CMTM7: variants seen among roughly 807,000 people sequenced by gnomAD.
The protein encoded by CMTM7 is CKLF-like MARVEL transmembrane domain-containing protein 7.
A neutral mutation model predicts 19.3 loss-of-function variants in CMTM7; 7 were observed. The observed-to-expected ratio is 0.36, with a 90% CI of 0.21 to 0.68. CMTM7 has a LOEUF of 0.68. Among genes scored for constraint, CMTM7 ranks in the 30% least tolerant of loss-of-function variants. The pLI, the probability that CMTM7 is intolerant of heterozygous loss-of-function variation, is 0.60. For missense variants in CMTM7, 193 were observed against 232.6 expected (o/e 0.83, Z 1.11); for synonymous variants, 87 against 99.3 (o/e 0.88, Z 0.74).
intron 2 of CMTM7, among the ~76,000 whole-genome samples, chr3:32,443,167 C>T (rs1417063158): frequency 2.6e-5 from 4 of 152,242 alleles, no homozygotes; most frequent in Admixed American, 2.0e-4. Context: ...GACGTGATCG[C>T]GACTCACTGC....
chr3:32,426,059 C>T (rs1010580623), intron 1 of CMTM7, among the ~76,000 whole-genome samples: 1 of 152,150 alleles, frequency 6.6e-6, no homozygotes, highest in East Asian at 1.9e-4. Context: ...GCAGGAGAAT[C>T]GCTTGAACCT....
chr3:32,438,511 G>T (rs945461303), intron 1 of CMTM7, among the ~76,000 whole-genome samples: 8 of 151,348 alleles, frequency 5.3e-5, no homozygotes, highest in Non-Finnish European at 8.8e-5. Flanking sequence ...TTAATATGCT[G>T]GCTAAGATGC....
chr3:32,401,400 G>C (rs1374319905), intron 1 of CMTM7, among the ~76,000 whole-genome samples: 2 of 152,250 alleles, frequency 1.3e-5, no homozygotes, highest in Non-Finnish European at 2.9e-5. Flanking sequence ...GCTGCAGGCA[G>C]CCAGGGCGTA....
rs1163508082 is a variant in CMTM7 at position 32,452,483 on chromosome 3, G to T, written c.514+10G>T. ...GTAACCCAGTCCACAGGTGAGTTCT[G>T]GTTATCTGTGCACAGAGGATCTCTC... On this transcript the variant is annotated intron_variant, in intron 4 of 4. Transcript: ENST00000334983. 3 of 1,613,122 alleles carry T rather than the reference G, an allele frequency of 1.9e-6. No homozygotes were observed. Among genetic ancestry groups the T allele is most frequent in the Non-Finnish European group, 2.5e-6 (3 of 1,179,138 alleles).
Position 32,454,404 on chromosome 3 carries a change from G to A in CMTM7, c.*150G>A. ...CTGCACCCTCTTCCTGCTCTCCCAG[G>A]AAGCCAGCTCCCTGAGCTCCTGAGC... is the stretch of plus-strand genomic sequence containing the variant. On this transcript the variant is annotated 3_prime_UTR_variant, in exon 5 of 5. Transcript: ENST00000334983. The A allele has an allele frequency of 1.1e-6, 1 of 940,982 alleles. No individual in the cohort carries two copies. The highest frequency in any genetic ancestry group is 1.4e-5 in the South Asian group (1 of 72,478). The allele number at this position is 940,982 out of a possible 1,614,324, so 58.3% of individuals were successfully genotyped here. A position where few individuals can be genotyped will look rare whatever the true frequency, so the allele number is the denominator to read the frequency against.
At chr3:32,417,018 A>G (rs1262508970) in intron 1 of CMTM7, among the ~76,000 whole-genome samples, 2 of 152,224 alleles carry the variant, frequency 1.3e-5, no homozygotes, top group Non-Finnish European at 2.9e-5. Flanking sequence ...GATAGAATTC[A>G]CATACTATAG....
chr3:32,449,306 G>A lies in CMTM7; in HGVS notation c.334-148G>A, dbSNP rs1461932514. On this transcript the variant is annotated intron_variant, in intron 2 of 4. Coordinates refer to ENST00000334983, the MANE Select transcript of CMTM7 (RefSeq NM_138410.4). This position sits in a 1 kb window ranked among gnomAD's most constrained non-coding sequence, Gnocchi z 4.5. ...GCCCGCATGTTGGCTGCCTGCGAGC[G>A]GCTCTGCTCATCCCATTTGCGTGTT... 6 of 671,908 alleles carry A rather than the reference G, an allele frequency of 8.9e-6. No homozygotes were observed. The highest frequency in any genetic ancestry group is 4.6e-5 in the Admixed American group (2 of 43,632). 41.6% of individuals were successfully genotyped at this position (671,908 alleles called of 1,614,324 possible).
intron 1 of CMTM7, among the ~76,000 whole-genome samples, chr3:32,404,162 C>CTTTTTTTTTTTTT (rs5847761): frequency 4.2e-4 from 31 of 74,682 alleles, no homozygotes; most frequent in African/African-American, 7.5e-4. Flanking sequence ...CTTTTTTTTT[C>CTTTTTTTTTTTTT]TTTTTTTTTT....
intron 4 of CMTM7, 80 bp from the exon 5 acceptor site, chr3:32,454,161 T>G: frequency 6.8e-7 from 1 of 1,472,904 alleles, no homozygotes; most frequent in Non-Finnish European, 9.2e-7. Context: ...GAGCAGAACT[T>G]GGAGTCAAAC....
chr3:32,413,431 CATTT>C (rs1018342419), intron 1 of CMTM7, among the ~76,000 whole-genome samples: 1 of 152,164 alleles, frequency 6.6e-6, no homozygotes, highest in African/African-American at 2.4e-5. Flanking sequence ...TTGATACATT[CATTT>C]ATTAACTGTT....
chr3:32,411,285 C>T (rs1343293417), intron 1 of CMTM7, among the ~76,000 whole-genome samples: 3 of 152,078 alleles, frequency 2.0e-5, no homozygotes, highest in Non-Finnish European at 4.4e-5. Flanking sequence ...GGATTTTTGT[C>T]TTATGCTTAT....
chr3:32,437,960 T>A (rs1419865203), intron 1 of CMTM7, among the ~76,000 whole-genome samples: 1 of 152,198 alleles, frequency 6.6e-6, no homozygotes, highest in African/African-American at 2.4e-5. Flanking sequence ...GACAGTTCAA[T>A]ATAAAAGAAC....
chr3:32,414,901 A>G (rs537479429), intron 1 of CMTM7, among the ~76,000 whole-genome samples: 40 of 152,270 alleles, frequency 2.6e-4, no homozygotes, highest in Non-Finnish European at 4.4e-4. Flanking sequence ...GGGAGGTTAC[A>G]TAGCCTTTCC....
At chr3:32,430,605 C>A (rs976279274) in intron 1 of CMTM7, among the ~76,000 whole-genome samples, 1 of 151,844 alleles carries the variant, frequency 6.6e-6, no homozygotes. Context: ...GGGTCAGAGG[C>A]AGCCTCGATG....
chr3:32,402,997 G>A lies in CMTM7; in HGVS notation c.159+10932G>A, dbSNP rs543388780. ...AAAGCAGAGAGAATTACTGTATCGTGACTTCTGAATACTTTGTCTCTTTTT... is the reference window on the plus strand; with the variant it reads ...AAAGCAGAGAGAATTACTGTATCGTAACTTCTGAATACTTTGTCTCTTTTT... On this transcript the variant is annotated intron_variant, in intron 1 of 4. Coordinates refer to ENST00000334983, the MANE Select transcript of CMTM7 (RefSeq NM_138410.4). 6.6e-5 allele frequency among the ~76,000 whole-genome samples: 10 copies of A among 152,318 alleles called. No individual in the cohort carries two copies. In the South Asian group the frequency reaches 2.1e-3, roughly 32 times the overall value.
intron 1 of CMTM7, among the ~76,000 whole-genome samples, chr3:32,415,983 C>G (rs932837733): frequency 6.6e-6 from 1 of 152,136 alleles, no homozygotes; most frequent in African/African-American, 2.4e-5. Context: ...GTCATACATG[C>G]CAGGCCTGTG....
At chr3:32,414,858 T>A (rs1696235359) in intron 1 of CMTM7, among the ~76,000 whole-genome samples, 1 of 152,184 alleles carries the variant, frequency 6.6e-6, no homozygotes, top group Non-Finnish European at 1.5e-5. Flanking sequence ...GTACTATTTG[T>A]CACCTCCACT....
chr3:32,396,207 C>T (rs888095375), intron 1 of CMTM7, among the ~76,000 whole-genome samples: 1 of 151,948 alleles, frequency 6.6e-6, no homozygotes, highest in African/African-American at 2.4e-5. Flanking sequence ...TGAAAATGTT[C>T]AAAAAATTGG....
intron 1 of CMTM7, among the ~76,000 whole-genome samples, chr3:32,414,287 G>C (rs1186004361): frequency 6.6e-6 from 1 of 152,174 alleles, no homozygotes; most frequent in African/African-American, 2.4e-5. Flanking sequence ...ACGTTCCACT[G>C]ACGTTGAAAA....
Sources: allele counts gnomAD v4.1 joint callset (sites outside exome capture counted in the v4.1 genomes callset), GRCh38; gene constraint gnomAD v4.1.1; non-coding constraint Gnocchi (gnomAD v3.1); transcripts MANE v1.5; gene names NCBI Gene and HGNC (gene_info 2026-07-23, HGNC 2026-07-21).